Variants in NAALADL2 observed in about 807,000 individuals in gnomAD.
NAALADL2 encodes the protein inactive N-acetylated-alpha-linked acidic dipeptidase-like protein 2.
Under a neutral mutation model 87.2 loss-of-function variants are expected in NAALADL2, and 76 were observed. The observed-to-expected ratio is 0.87, with a 90% CI of 0.72 to 1.05. The LOEUF is 1.05. NAALADL2 is among the 50% of genes least tolerant of loss of function. The pLI, the probability that NAALADL2 is intolerant of heterozygous loss-of-function variation, is 0.00. For missense variants in NAALADL2, 1,089 were observed against 945.8 expected, an observed-to-expected ratio of 1.15 and a Z score of -1.99; for synonymous variants, 354 against 331.0, an observed-to-expected ratio of 1.07 and a Z score of -0.75.
chr3:175,158,269 G>A (rs142782084), intron 2 of NAALADL2, among the ~76,000 whole-genome samples: 50 of 152,114 alleles, frequency 3.3e-4, no homozygotes, highest in Non-Finnish European at 6.2e-4. Flanking sequence ...CTCATTTGGC[G>A]ATCAGAGAGA....
intron 9 of NAALADL2, among the ~76,000 whole-genome samples, chr3:175,520,106 G>T (rs1000036429): frequency 6.6e-6 from 1 of 152,082 alleles, no homozygotes; most frequent in Non-Finnish European, 1.5e-5. Flanking sequence ...AAGCTCTAGA[G>T]ATTTTATTTG....
At chr3:175,339,709 A>G (rs955970903) in intron 5 of NAALADL2, among the ~76,000 whole-genome samples, 3 of 152,198 alleles carry the variant, frequency 2.0e-5, no homozygotes, top group South Asian at 4.1e-4. Flanking sequence ...AAAATTGCCT[A>G]TAATTTCAGA....
chr3:174,814,668 GTACTAC>G (rs1720598184), intron 3 of NAALADL2, among the ~76,000 whole-genome samples: 2 of 151,964 alleles, frequency 1.3e-5, no homozygotes, highest in Non-Finnish European at 2.9e-5. Flanking sequence ...TCAAATTTAA[GTACTAC>G]TATCAGAATT....
At chr3:175,504,587 CTCTCTCTCTCTCT>C in intron 9 of NAALADL2, among the ~76,000 whole-genome samples, 1 of 111,038 alleles carries the variant, frequency 9.0e-6, no homozygotes, top group East Asian at 3.2e-4. Context: ...CTCTCTCTCT[CTCTCTCTCTCTCT>C]CTCTCTCTCT....
intron 4 of NAALADL2, 23 bp from the exon 5 acceptor site, chr3:175,324,152 A>G (rs766187999): frequency 6.2e-7 from 1 of 1,607,840 alleles, no homozygotes; most frequent in African/African-American, 1.3e-5. Flanking sequence ...TAATATTTTT[A>G]ATAGCTTGCT....
intron 2 of NAALADL2, among the ~76,000 whole-genome samples, chr3:175,144,853 G>C (rs1232118014): frequency 6.6e-6 from 1 of 151,812 alleles, no homozygotes; most frequent in Non-Finnish European, 1.5e-5. Context: ...ATCTCAGCCT[G>C]TTGCTTCTTC....
intron 2 of NAALADL2, among the ~76,000 whole-genome samples, chr3:174,733,323 A>G (rs16863758): frequency 0.1 from 15,480 of 152,302 alleles, 967 homozygotes; most frequent in Non-Finnish European, 0.13. Context: ...ACTAGAGTTC[A>G]TTTCATTTAG....
rs550030651 is a variant in NAALADL2, at chr3:175,505,049, C to T, written c.1653+33291C>T. Among the ~76,000 whole-genome samples the T allele has an allele frequency of 5.9e-5, 9 of 152,226 alleles. No homozygotes were observed. In the South Asian group the frequency reaches 1.9e-3, roughly 32 times the overall value. On this transcript the variant is annotated intron_variant, in intron 9 of 13. Coordinates refer to ENST00000454872, the MANE Select transcript of NAALADL2 (RefSeq NM_207015.3). Reference sequence around the variant, plus strand: ...ATTGAGAGATGGATCCCAGTGGCTTCCAATTCCTGTCTCTCAAACTCTGGA... The same window carrying T: ...ATTGAGAGATGGATCCCAGTGGCTTTCAATTCCTGTCTCTCAAACTCTGGA...
chr3:175,642,727 C>G (rs1343038935), intron 11 of NAALADL2, among the ~76,000 whole-genome samples: 2 of 152,122 alleles, frequency 1.3e-5, no homozygotes, highest in Non-Finnish European at 2.9e-5. Flanking sequence ...GTCTTGATCT[C>G]CTGACCTCGT....
chr3:175,680,110 T>G (rs2149878519), intron 11 of NAALADL2, among the ~76,000 whole-genome samples: 1 of 152,332 alleles, frequency 6.6e-6, no homozygotes, highest in Non-Finnish European at 1.5e-5. Flanking sequence ...CAGCGATTCC[T>G]TAAAATGTTA....
At chr3:175,302,840 GTGTGTGTA>G (rs937559898) in intron 4 of NAALADL2, among the ~76,000 whole-genome samples, 36 of 143,586 alleles carry the variant, frequency 2.5e-4, no homozygotes, top group African/African-American at 9.7e-4. Flanking sequence ...GTGTATATAT[GTGTGTGTA>G]TGTGTGTGTG....
intron 3 of NAALADL2, among the ~76,000 whole-genome samples, chr3:174,778,066 T>G (rs547173160): frequency 2.0e-3 from 299 of 152,228 alleles, no homozygotes; most frequent in South Asian, 5.4e-3. Flanking sequence ...ATACTTATTA[T>G]ATGCCTACTG....
intron 3 of NAALADL2, among the ~76,000 whole-genome samples, chr3:174,814,004 T>C (rs1404649429): frequency 6.6e-6 from 1 of 152,194 alleles, no homozygotes; most frequent in African/African-American, 2.4e-5. Context: ...ATTATAATGA[T>C]ACGTATTTCA....
chr3:174,491,305 CTT>C (rs1296567751), intron 1 of NAALADL2, among the ~76,000 whole-genome samples: 1 of 152,130 alleles, frequency 6.6e-6, no homozygotes, highest in Non-Finnish European at 1.5e-5. Flanking sequence ...TCCACAGTGT[CTT>C]TTGACCATCC....
intron 2 of NAALADL2, among the ~76,000 whole-genome samples, chr3:175,173,033 A>G (rs1192272384): frequency 6.6e-6 from 1 of 151,920 alleles, no homozygotes; most frequent in African/African-American, 2.4e-5. Flanking sequence ...GCTCACCCCT[A>G]TGATCCTGGC....
intron 9 of NAALADL2, among the ~76,000 whole-genome samples, chr3:175,514,655 G>C (rs141268749): frequency 3.3e-5 from 5 of 152,194 alleles, no homozygotes; most frequent in African/African-American, 1.2e-4. Flanking sequence ...TACAAGCAGC[G>C]GTGTGTTGTC....
chr3:175,143,205 T>C (rs1478937655), intron 2 of NAALADL2, among the ~76,000 whole-genome samples: 1 of 151,898 alleles, frequency 6.6e-6, no homozygotes, highest in Non-Finnish European at 1.5e-5. Context: ...CACACACTCA[T>C]ATGCATAGTA....
chr3:175,092,086 A>C (rs1720243069), intron 1 of NAALADL2, among the ~76,000 whole-genome samples: 1 of 151,946 alleles, frequency 6.6e-6, no homozygotes, highest in African/African-American at 2.4e-5. Context: ...CTAATGTGTT[A>C]GACTATGTTT....
chr3:175,755,524 A>G, intron 13 of NAALADL2, 106 bp downstream of exon 13: 1 of 752,364 alleles, frequency 1.3e-6, no homozygotes, highest in Non-Finnish European at 1.9e-6. Context: ...TGTAAAAGAA[A>G]TTATAAAGCA....
Sources: gnomAD v4.1 joint callset for allele counts (sites outside exome capture counted in the v4.1 genomes callset) on GRCh38, gnomAD v4.1.1 for gene constraint, MANE v1.5 for transcripts, NCBI Gene and HGNC (gene_info 2026-07-23, HGNC 2026-07-21) for gene names.